MARCHF1: variants seen among roughly 807,000 people sequenced by gnomAD.
The protein encoded by MARCHF1 is membrane associated ring-CH-type finger 1.
MARCHF1 carries 40 observed loss-of-function variants against 54.2 expected under a neutral mutation model. The ratio of observed to expected loss-of-function variants is 0.74; its 90% CI spans 0.57 to 0.96. The LOEUF (loss-of-function observed/expected upper bound fraction) is 0.96, where lower values mean the gene tolerates loss of function less well. Among genes scored for constraint, MARCHF1 ranks in the 40% least tolerant of loss-of-function variants. MARCHF1 has a pLI of 0.00. For missense variants in MARCHF1, 586 were observed against 656.5 expected, an observed-to-expected ratio of 0.89 and a Z score of 1.17; for synonymous variants, 236 against 236.3, an observed-to-expected ratio of 1.00 and a Z score of 0.01.
intron 1 of MARCHF1, among the ~76,000 whole-genome samples, chr4:164,229,099 A>G (rs1161219315): frequency 6.6e-6 from 1 of 152,212 alleles, no homozygotes; most frequent in Admixed American, 6.5e-5. Context: ...AGCTGTCACT[A>G]CATGGCAGCT....
chr4:163,548,819 A>C (rs889050270), intron 8 of MARCHF1, among the ~76,000 whole-genome samples: 1 of 152,360 alleles, frequency 6.6e-6, no homozygotes, highest in Non-Finnish European at 1.5e-5. Flanking sequence ...AGCCTTACTA[A>C]GAATGAGAAA....
chr4:163,941,716 C>G (rs975160590), intron 3 of MARCHF1, among the ~76,000 whole-genome samples: 9 of 152,048 alleles, frequency 5.9e-5, no homozygotes, highest in African/African-American at 2.2e-4. Context: ...CTTAAGTACC[C>G]AAGTTTTCTC....
chr4:164,072,321 C>T (rs936473252), intron 2 of MARCHF1, among the ~76,000 whole-genome samples: 10 of 152,190 alleles, frequency 6.6e-5, no homozygotes, highest in Admixed American at 5.2e-4. Flanking sequence ...TGCGATGGCT[C>T]ATGCCTGTAA....
chr4:163,632,790 G>A (rs1410379955), intron 5 of MARCHF1, among the ~76,000 whole-genome samples: 7 of 152,182 alleles, frequency 4.6e-5, no homozygotes, highest in Non-Finnish European at 7.4e-5. Flanking sequence ...AACCTCTGGG[G>A]GCAGGTCACA....
chr4:163,587,818 T>A (rs1053864397), intron 7 of MARCHF1, among the ~76,000 whole-genome samples: 3 of 151,704 alleles, frequency 2.0e-5, no homozygotes, highest in African/African-American at 7.3e-5. Context: ...TTAAACTTTT[T>A]AAAAAAATCT....
chr4:164,165,795 T>C lies in MARCHF1; in HGVS notation c.-322-54133A>G, dbSNP rs79376526. 2.9e-3 allele frequency among the ~76,000 whole-genome samples: 446 copies of C among 152,078 alleles called. 3 individuals are homozygous for C. Among genetic ancestry groups the C allele is most frequent in the African/African-American group, 9.9e-3 (411 of 41,522 alleles). On this transcript the variant is annotated intron_variant, in intron 1 of 9. Transcript: ENST00000514618. The stretch of plus-strand genomic sequence containing the variant: ...ATTCTGCTTCCATCATTTTTTAAGA[T>C]TATAATTTAAGCTGCTGTGTTTCTC...
At chr4:164,087,205 G>T (rs922369887) in intron 2 of MARCHF1, among the ~76,000 whole-genome samples, 8 of 151,974 alleles carry the variant, frequency 5.3e-5, no homozygotes, top group Non-Finnish European at 8.8e-5. Flanking sequence ...CTGAAAAGGA[G>T]ACAATAACTA....
At chr4:163,679,263 C>A (rs974059902) in intron 5 of MARCHF1, among the ~76,000 whole-genome samples, 1 of 152,110 alleles carries the variant, frequency 6.6e-6, no homozygotes, top group Non-Finnish European at 1.5e-5. Context: ...AATATTCTAC[C>A]AGATAGGAAG....
At chr4:163,633,921 A>G (rs559625492) in intron 5 of MARCHF1, among the ~76,000 whole-genome samples, 1 of 152,330 alleles carries the variant, frequency 6.6e-6, no homozygotes, top group South Asian at 2.1e-4. Context: ...TACAAGCCAG[A>G]AGAGAGTGGG....
chr4:164,310,843 T>A (rs1275088804), intron 1 of MARCHF1, among the ~76,000 whole-genome samples: 2 of 152,124 alleles, frequency 1.3e-5, no homozygotes, highest in African/African-American at 2.4e-5. Flanking sequence ...CAGTTTAGAA[T>A]TTTTTCTAAT....
At chr4:164,188,847 C>A (rs2111041193) in intron 1 of MARCHF1, 1 of 784,656 alleles carries the variant, frequency 1.3e-6, no homozygotes, top group East Asian at 2.4e-5. Flanking sequence ...CAATAAACCG[C>A]TGAGGCTTAT....
rs188884421 is a variant in MARCHF1, at chr4:164,379,494, A to G, written c.-323+4376T>C. Among the ~76,000 whole-genome samples the G allele has an allele frequency of 9.3e-4, 142 of 152,358 alleles. 1 individual carries two copies. Among genetic ancestry groups the G allele is most frequent in the Admixed American group, 4.4e-3 (68 of 15,312 alleles). On this transcript the variant is annotated intron_variant, in intron 1 of 9. Coordinates refer to ENST00000514618, the MANE Select transcript of MARCHF1 (RefSeq NM_001394959.1). Reference sequence around the variant, plus strand: ...ATTCACCAATGAATTTCACCTGATGAAAGATAACAATCCACAAATTCAAGA... The same window carrying G: ...ATTCACCAATGAATTTCACCTGATGGAAGATAACAATCCACAAATTCAAGA...
chr4:164,309,786 C>T (rs1290246391), intron 1 of MARCHF1, among the ~76,000 whole-genome samples: 1 of 152,032 alleles, frequency 6.6e-6, no homozygotes, highest in African/African-American at 2.4e-5. Flanking sequence ...GGCAAAAGGA[C>T]TAAACTAGAC....
At chr4:163,971,497 GGTTA>G (rs1752546291) in intron 3 of MARCHF1, among the ~76,000 whole-genome samples, 1 of 152,146 alleles carries the variant, frequency 6.6e-6, no homozygotes, top group African/African-American at 2.4e-5. Context: ...TTGCTAGTCA[GGTTA>G]GTTCTATTAG....
intron 3 of MARCHF1, among the ~76,000 whole-genome samples, chr4:163,935,198 A>C (rs1161084029): frequency 6.6e-6 from 1 of 152,080 alleles, no homozygotes; most frequent in African/African-American, 2.4e-5. Context: ...CAATTTTCTA[A>C]ATGGTAAATG....
chr4:163,996,637 A>G (rs1201860635), intron 2 of MARCHF1, among the ~76,000 whole-genome samples: 4 of 152,076 alleles, frequency 2.6e-5, no homozygotes, highest in African/African-American at 9.7e-5. Context: ...TTCCCCACCA[A>G]TTCCTACAGA....
chr4:163,548,789 A>G (rs1270167059), intron 8 of MARCHF1, among the ~76,000 whole-genome samples: 1 of 146,528 alleles, frequency 6.8e-6, no homozygotes, highest in Admixed American at 6.8e-5. Flanking sequence ...TTTGTTTACA[A>G]AATTTCAGTA....
At chr4:163,678,908 A>C (rs1744003602) in intron 5 of MARCHF1, among the ~76,000 whole-genome samples, 1 of 152,228 alleles carries the variant, frequency 6.6e-6, no homozygotes, top group South Asian at 2.1e-4. Flanking sequence ...TAGATAAAAT[A>C]ATTTTATTTG....
chr4:163,685,346 T>C (rs34654688), intron 5 of MARCHF1, among the ~76,000 whole-genome samples: 66 of 152,188 alleles, frequency 4.3e-4, no homozygotes, highest in Non-Finnish European at 8.1e-4. Context: ...ATTTTAATTA[T>C]CCTATTCCCC....
Sources: allele counts gnomAD v4.1 joint callset (sites outside exome capture counted in the v4.1 genomes callset), GRCh38; gene constraint gnomAD v4.1.1; transcripts MANE v1.5; gene names NCBI Gene and HGNC (gene_info 2026-07-23, HGNC 2026-07-21).